The following SOX5 variants were observed in gnomAD, a reference collection of about 807,000 sequenced individuals.
SOX5 encodes the protein SRY-box transcription factor 5, also known as transcription factor SOX-5.
SOX5 carries 9 observed loss-of-function variants against 92.0 expected under a neutral mutation model. The observed-to-expected ratio is 0.10, with a 90% CI of 0.06 to 0.17. The LOEUF is 0.17. SOX5 is among the 10% of genes least tolerant of loss of function. The pLI is 1.00. For synonymous variants in SOX5, 344 were observed against 336.3 expected, an observed-to-expected ratio of 1.02 and a Z score of -0.25; for missense variants, 642 against 944.5, an observed-to-expected ratio of 0.68 and a Z score of 4.20.
At chr12:24,442,437 T>C (rs900253714) in intron 1 of SOX5, among the ~76,000 whole-genome samples, 2 of 152,162 alleles carry the variant, frequency 1.3e-5, no homozygotes. Context: ...TAAATGAATA[T>C]ATTGTATATT....
At position 24,504,435 on chromosome 12, in the gene SOX5, G is replaced by A. The variant is rs142713394; in HGVS notation, c.-251+57894C>T. ...CACTTAAACCTATACCTAATTCACCGATAAATTTTTTAAGAGAAAAAGTCA... is the reference window on the plus strand; with the variant it reads ...CACTTAAACCTATACCTAATTCACCAATAAATTTTTTAAGAGAAAAAGTCA... On this transcript the variant is annotated intron_variant, in intron 1 of 4. Transcript: ENST00000446891. Among the ~76,000 whole-genome samples the A allele has an allele frequency of 6.9e-4, 105 of 152,142 alleles. 1 individual carries two copies. The East Asian group carries it at 0.013, about 19-fold the overall frequency.
In SOX5 at chr12:24,463,206, C is replaced by CA. The variant is rs1244032080; in HGVS notation, c.-250-94568dup. 5.8e-5 allele frequency among the ~76,000 whole-genome samples: 8 copies of CA among 136,792 alleles called. No individual in the cohort carries two copies. The South Asian group carries it at 7.0e-4, about 12-fold the overall frequency. 89.7% of individuals were successfully genotyped at this position (136,792 alleles called of 152,430 possible). On this transcript the variant is annotated intron_variant, in intron 1 of 4. Transcript: ENST00000446891. ...TGGGTGACATAGTGAGACCTTGTTT[C>CA]AAAAAAAAAGAAAAAAAAAAAGCTT...
At chr12:24,100,520 G>A (rs1945958417) in intron 4 of SOX5, among the ~76,000 whole-genome samples, 1 of 151,924 alleles carries the variant, frequency 6.6e-6, no homozygotes, top group Non-Finnish European at 1.5e-5. Context: ...GCTCTTAAAG[G>A]TGATTGCCTC....
At chr12:23,805,504 CT>C (rs2095754264) in intron 3 of SOX5, among the ~76,000 whole-genome samples, 1 of 151,976 alleles carries the variant, frequency 6.6e-6, no homozygotes, top group African/African-American at 2.4e-5. Flanking sequence ...TTAGTACAAC[CT>C]TTCAAAGTAA....
intron 2 of SOX5, among the ~76,000 whole-genome samples, chr12:23,862,660 A>G (rs988860427): frequency 1.3e-5 from 2 of 152,220 alleles, no homozygotes; most frequent in African/African-American, 4.8e-5. Context: ...CATTCCAACG[A>G]ATAATAATTT....
rs1387272669 is a variant in SOX5 at position 23,608,371 on chromosome 12, A to G, written c.1018-3838T>C. On this transcript the variant is annotated intron_variant, in intron 8 of 14. Transcript: ENST00000451604. ...CTCATACCTGTACCTCCTTTAGACA[A>G]TGAGTTTTTAAGGAAACAATTACAA... Among the ~76,000 whole-genome samples the G allele has an allele frequency of 2.0e-5, 3 of 152,246 alleles. No homozygotes were observed. In the East Asian group the frequency reaches 5.8e-4, roughly 29 times the overall value.
intron 1 of SOX5, among the ~76,000 whole-genome samples, chr12:24,432,250 T>C (rs1477039115): frequency 6.6e-6 from 1 of 152,176 alleles, no homozygotes; most frequent in African/African-American, 2.4e-5. Context: ...CTGGTCAAAA[T>C]AGAAATCTCA....
intron 6 of SOX5, among the ~76,000 whole-genome samples, chr12:23,709,561 C>A (rs879523087): frequency 2.0e-5 from 3 of 152,144 alleles, no homozygotes; most frequent in Non-Finnish European, 2.9e-5. Flanking sequence ...CAAAATCCTA[C>A]GAGAGCCGCT....
intron 1 of SOX5, among the ~76,000 whole-genome samples, chr12:24,554,388 A>T (rs1953543952): frequency 6.6e-6 from 1 of 152,158 alleles, no homozygotes; most frequent in Non-Finnish European, 1.5e-5. Context: ...CACAAACGTA[A>T]GTTTGTCAGT....
At chr12:23,735,979 G>A (rs1479455) in intron 5 of SOX5, among the ~76,000 whole-genome samples, 93,192 of 151,458 alleles carry the variant, frequency 0.62, 28,855 homozygotes, top group East Asian at 0.65. Flanking sequence ...CAGGAAGTCC[G>A]TTACAAAAGC....
chr12:23,965,670 G>A (rs151010797), intron 4 of SOX5, among the ~76,000 whole-genome samples: 2,484 of 152,264 alleles, frequency 0.016, 45 homozygotes, highest in Non-Finnish European at 0.023. Context: ...CTAGGCTGGA[G>A]TGCAGTGGCA....
At chr12:23,712,090 T>C (rs1440498686) in intron 6 of SOX5, among the ~76,000 whole-genome samples, 1 of 152,210 alleles carries the variant, frequency 6.6e-6, no homozygotes, top group Admixed American at 6.5e-5. Flanking sequence ...AGAATCGTGC[T>C]ATTTTCACTG....
intron 4 of SOX5, among the ~76,000 whole-genome samples, chr12:24,144,083 G>GAA (rs113476142): frequency 4.9e-5 from 7 of 142,340 alleles, no homozygotes; most frequent in African/African-American, 1.5e-4. Flanking sequence ...CAAGCAGCCA[G>GAA]AAAAAAAAAA....
chr12:23,656,024 C>T (rs958581111), intron 7 of SOX5, among the ~76,000 whole-genome samples: 1 of 152,084 alleles, frequency 6.6e-6, no homozygotes, highest in Non-Finnish European at 1.5e-5. Flanking sequence ...ATCCCATCCA[C>T]ATTTTACAAT....
At chr12:24,252,461 G>A (rs997448472) in intron 3 of SOX5, among the ~76,000 whole-genome samples, 4 of 151,000 alleles carry the variant, frequency 2.6e-5, no homozygotes, top group African/African-American at 4.9e-5. Context: ...TCGCTTTGGT[G>A]AATTAAAATG....
At chr12:24,140,280 G>A (rs1421199337) in intron 4 of SOX5, among the ~76,000 whole-genome samples, 1 of 152,066 alleles carries the variant, frequency 6.6e-6, no homozygotes, top group East Asian at 1.9e-4. Flanking sequence ...GAATTAGAGA[G>A]GAAGTGATGT....
chr12:24,230,936 T>C (rs528056168), intron 3 of SOX5, among the ~76,000 whole-genome samples: 4 of 152,338 alleles, frequency 2.6e-5, no homozygotes, highest in South Asian at 4.1e-4. Context: ...CACTGAAAAT[T>C]GAGAGAACAG....
chr12:24,548,080 A>G (rs932221499), intron 1 of SOX5, among the ~76,000 whole-genome samples: 19 of 152,168 alleles, frequency 1.2e-4, no homozygotes, highest in African/African-American at 3.9e-4. Context: ...AATTCCTCAT[A>G]ATGGCTTCAT....
At chr12:24,295,884 G>T (rs376223188) in intron 2 of SOX5, among the ~76,000 whole-genome samples, 5 of 152,038 alleles carry the variant, frequency 3.3e-5, no homozygotes, top group East Asian at 3.9e-4. Flanking sequence ...TTTTCACAGG[G>T]TACCTCTTAT....
Sources: gnomAD v4.1 joint callset for allele counts (sites outside exome capture counted in the v4.1 genomes callset) on GRCh38, gnomAD v4.1.1 for gene constraint, MANE v1.5 for transcripts, NCBI Gene and HGNC (gene_info 2026-07-23, HGNC 2026-07-21) for gene names.